Variants in ANKRD55 observed in about 807,000 individuals in gnomAD.
ANKRD55 encodes ankyrin repeat domain-containing protein 55.
Under a neutral mutation model 60.6 loss-of-function variants are expected in ANKRD55, and 41 were observed. That is an observed-to-expected ratio of 0.68 (90% CI 0.53 to 0.88). The LOEUF (loss-of-function observed/expected upper bound fraction) is 0.88. Among genes scored for constraint, ANKRD55 ranks in the 40% least tolerant of loss-of-function variants. The pLI, the probability that ANKRD55 is intolerant of heterozygous loss-of-function variation, is 0.00. For synonymous variants in ANKRD55, 264 were observed against 290.3 expected (o/e 0.91, Z 0.92); for missense variants, 732 against 767.6 (o/e 0.95, Z 0.55).
chr5:56,193,062 C>A lies in ANKRD55; in HGVS notation c.59-9428G>T, dbSNP rs532960252. 1.9e-5 allele frequency: 16 copies of A among 836,596 alleles called. No individual in the cohort carries two copies. The Admixed American group carries it at 2.8e-4, about 15-fold the overall frequency. 51.8% of individuals were successfully genotyped at this position (836,596 alleles called of 1,614,324 possible). A position where few individuals can be genotyped will look rare whatever the true frequency, so the allele number is the denominator to read the frequency against. ...TGGTTTTTGAAAGCAGATGATGACA[C>A]ATATTTCATACTAGATAATTTGAGA... On this transcript the variant is annotated intron_variant, in intron 2 of 11. Transcript: ENST00000341048.
intron 3 of ANKRD55, among the ~76,000 whole-genome samples, chr5:56,177,802 A>G (rs920501146): frequency 1.5e-4 from 23 of 152,044 alleles, no homozygotes; most frequent in South Asian, 4.1e-4. Flanking sequence ...ACAAAGAAAC[A>G]AAAACAGAAT....
chr5:56,132,405 C>T (rs1263009153), intron 7 of ANKRD55, among the ~76,000 whole-genome samples: 1 of 141,822 alleles, frequency 7.1e-6, no homozygotes, highest in African/African-American at 2.9e-5. Flanking sequence ...ACGGTGAAAC[C>T]CTGTCTCTAC....
At chr5:56,123,358 G>C (rs751814577) in intron 8 of ANKRD55, among the ~76,000 whole-genome samples, 9 of 152,080 alleles carry the variant, frequency 5.9e-5, no homozygotes, top group Non-Finnish European at 1.2e-4. Context: ...GAATTACCAG[G>C]TACAGATTGT....
intron 2 of ANKRD55, among the ~76,000 whole-genome samples, chr5:56,203,581 C>T (rs768667973): frequency 5.9e-5 from 9 of 152,014 alleles, no homozygotes; most frequent in East Asian, 1.9e-4. Flanking sequence ...TGAGAACATG[C>T]GGTGTTTGGT....
chr5:56,154,214 A>T (rs1758134065), intron 6 of ANKRD55, among the ~76,000 whole-genome samples: 1 of 151,316 alleles, frequency 6.6e-6, no homozygotes. Context: ...AAAAAAAAAA[A>T]AAAAAAAAAA....
chr5:56,229,938 C>G lies in ANKRD55; in HGVS notation c.58+2918G>C, dbSNP rs541236905. Among the ~76,000 whole-genome samples, 36 of 152,246 alleles carry G rather than the reference C, an allele frequency of 2.4e-4. No homozygotes were observed. In the South Asian group the frequency reaches 7.3e-3, roughly 31 times the overall value. ...CCTCTCTGTGCTTTAGTTCCCTCAT[C>G]TGAAATGTGGAAGAGGGGTAGGTTG... On this transcript the variant is annotated intron_variant, in intron 2 of 11. Coordinates refer to ENST00000341048, the MANE Select transcript of ANKRD55 (RefSeq NM_024669.3).
intron 2 of ANKRD55, among the ~76,000 whole-genome samples, chr5:56,212,241 G>T (rs969601346): frequency 6.6e-6 from 1 of 152,028 alleles, no homozygotes; most frequent in African/African-American, 2.4e-5. Context: ...TTGGTTGGAG[G>T]ATATCTATTA....
chr5:56,140,277 C>T lies in ANKRD55; in HGVS notation c.612+3524G>A, dbSNP rs59215705. Among the ~76,000 whole-genome samples, 1,298 of 152,324 alleles carry T rather than the reference C, an allele frequency of 8.5e-3. 18 individuals are homozygous for T. The highest frequency in any genetic ancestry group is 0.029 in the African/African-American group (1,201 of 41,558). ...CAAGTGTAATAATGATTTCAGCTGA[C>T]ATTTGGAATTACCCTCAGTCTTTGC... On this transcript the variant is annotated intron_variant, in intron 7 of 11. Transcript: ENST00000341048.
At chr5:56,210,009 T>C (rs1759621803) in intron 2 of ANKRD55, among the ~76,000 whole-genome samples, 1 of 152,136 alleles carries the variant, frequency 6.6e-6, no homozygotes, top group South Asian at 2.1e-4. Flanking sequence ...GGTCATTTTT[T>C]TCTTTTTTTA....
At chr5:56,119,091 T>G (rs1358370242) in intron 8 of ANKRD55, among the ~76,000 whole-genome samples, 2 of 152,180 alleles carry the variant, frequency 1.3e-5, no homozygotes, top group Non-Finnish European at 2.9e-5. Flanking sequence ...AAATAAAAAC[T>G]TACATTCACA....
chr5:56,144,446 C>T (rs1757848245), intron 6 of ANKRD55, among the ~76,000 whole-genome samples: 1 of 152,070 alleles, frequency 6.6e-6, no homozygotes, highest in Non-Finnish European at 1.5e-5. Context: ...TGTCTGTTTT[C>T]CTCTATCTCT....
intron 10 of ANKRD55, among the ~76,000 whole-genome samples, chr5:56,110,060 A>G (rs1756630062): frequency 6.6e-6 from 1 of 151,892 alleles, no homozygotes; most frequent in Non-Finnish European, 1.5e-5. Context: ...CAAAAAAAAA[A>G]AAATCTTTAT....
chr5:56,111,915 T>A, intron 9 of ANKRD55, 133 bp from the exon 10 acceptor site: 1 of 830,208 alleles, frequency 1.2e-6, no homozygotes, highest in Non-Finnish European at 1.7e-6. Flanking sequence ...CTCCAAAGCC[T>A]TCTCAAGTTA....
chr5:56,186,658 T>A (rs1758982573), intron 2 of ANKRD55, among the ~76,000 whole-genome samples: 1 of 152,220 alleles, frequency 6.6e-6, no homozygotes, highest in Non-Finnish European at 1.5e-5. Flanking sequence ...TTAGAAAGCA[T>A]TAGAAATCTG....
intron 2 of ANKRD55, among the ~76,000 whole-genome samples, chr5:56,210,651 C>T (rs1759650450): frequency 6.6e-6 from 1 of 151,708 alleles, no homozygotes; most frequent in African/African-American, 2.4e-5. Context: ...GTTACCTTTC[C>T]CTGTTTGCCA....
At chr5:56,205,016 C>T (rs1759465325) in intron 2 of ANKRD55, among the ~76,000 whole-genome samples, 1 of 147,002 alleles carries the variant, frequency 6.8e-6, no homozygotes, top group South Asian at 2.4e-4. Context: ...TAGCTGTTTT[C>T]AATTTTGAAA....
At chr5:56,185,711 T>C (rs763513147) in intron 2 of ANKRD55, among the ~76,000 whole-genome samples, 5 of 152,014 alleles carry the variant, frequency 3.3e-5, no homozygotes, top group Non-Finnish European at 5.9e-5. Flanking sequence ...TTTTTTTAAG[T>C]TGTGTTTTTC....
chr5:56,135,315 C>CT (rs1446884234), intron 7 of ANKRD55, among the ~76,000 whole-genome samples: 1 of 12,562 alleles, frequency 8.0e-5, no homozygotes, highest in East Asian at 6.9e-4. Flanking sequence ...TTCTTTCTTT[C>CT]TTTCTTTCTT....
At chr5:56,212,939 T>C (rs1206896849) in intron 2 of ANKRD55, among the ~76,000 whole-genome samples, 1 of 152,202 alleles carries the variant, frequency 6.6e-6, no homozygotes, top group East Asian at 1.9e-4. Context: ...ATTCATTACA[T>C]GAAAATATAA....
Sources: gnomAD v4.1 joint callset for allele counts (sites outside exome capture counted in the v4.1 genomes callset) on GRCh38, gnomAD v4.1.1 for gene constraint, MANE v1.5 for transcripts, NCBI Gene and HGNC (gene_info 2026-07-23, HGNC 2026-07-21) for gene names.